The following RNF14 variants were observed in gnomAD, a reference collection of about 807,000 sequenced individuals.
RNF14 encodes the protein ring finger protein 14.
In RNF14, 26 loss-of-function variants were observed where a neutral mutation model predicts 52.6. The ratio of observed to expected loss-of-function variants is 0.49; its 90% CI spans 0.36 to 0.69. RNF14 has a LOEUF of 0.69. Ranked by LOEUF, RNF14 falls within the 30% of genes least tolerant of loss-of-function variation. The pLI is 0.00. For synonymous variants in RNF14, 194 were observed against 202.0 expected (o/e 0.96, Z 0.34); for missense variants, 404 against 560.4 (o/e 0.72, Z 2.82).
intron 1 of RNF14, among the ~76,000 whole-genome samples, chr5:141,960,539 G>A (rs774272151): frequency 2.6e-5 from 4 of 152,114 alleles, no homozygotes; most frequent in Non-Finnish European, 4.4e-5. Context: ...ATAAGCAGGG[G>A]TCCTCAGATG....
rs58804572 is a variant in RNF14 at position 141,971,636 on chromosome 5, C to CTT, written c.-7+780_-7+781dup. ...CCTTTCTTTCTTCTTTCTTTCTTTCCTTTTTTTTTTTTTTTTTTTTTTGGA... is the reference window on the plus strand; with the variant it reads ...CCTTTCTTTCTTCTTTCTTTCTTTCCTTTTTTTTTTTTTTTTTTTTTTTTGGA... On this transcript the variant is annotated intron_variant, in intron 2 of 8. Coordinates refer to ENST00000394520, the MANE Select transcript of RNF14 (RefSeq NM_004290.5). Among the ~76,000 whole-genome samples the CTT allele has an allele frequency of 1.1e-3, 125 of 117,154 alleles. 7 individuals carry two copies. The highest frequency in any genetic ancestry group is 3.2e-3 in the African/African-American group (84 of 26,062). The allele number at this position is 117,154 out of a possible 152,430, so 76.9% of individuals were successfully genotyped here. A position where few individuals can be genotyped will look rare whatever the true frequency, so the allele number is the denominator to read the frequency against.
chr5:141,987,840 G>A lies in RNF14; in HGVS notation c.*50G>A, dbSNP rs374848091. 33 of 1,536,752 alleles carry A rather than the reference G, an allele frequency of 2.1e-5. No homozygotes were observed. Among genetic ancestry groups the A allele is most frequent in the East Asian group, 6.7e-5 (3 of 44,526 alleles). On this transcript the variant is annotated 3_prime_UTR_variant, in exon 9 of 9. Transcript: ENST00000394520. ...GTGGATTGTTTTTCCCTAATCTTCCGTCAAGTACACAAAGTAACTTTGCGG... is the reference window on the plus strand; with the variant it reads ...GTGGATTGTTTTTCCCTAATCTTCCATCAAGTACACAAAGTAACTTTGCGG...
chr5:141,986,174 C>T (rs1755219986), intron 8 of RNF14, among the ~76,000 whole-genome samples: 1 of 152,166 alleles, frequency 6.6e-6, no homozygotes, highest in South Asian at 2.1e-4. Context: ...GGGGTGATTC[C>T]TTGGCACAAT....
At position 141,985,824 on chromosome 5, in the gene RNF14, A is replaced by T. The variant is rs550809093; in HGVS notation, c.1367+891A>T. 4.6e-5 allele frequency among the ~76,000 whole-genome samples: 7 copies of T among 152,328 alleles called. No individual in the cohort carries two copies. The South Asian group carries it at 1.5e-3, about 32-fold the overall frequency. On this transcript the variant is annotated intron_variant, in intron 8 of 8. Transcript: ENST00000394520. ...CGCCTCGGCCTCCCAAAGTGCTGGG[A>T]TTACAGGCGTGAGCCACCACACCCA...
intron 8 of RNF14, among the ~76,000 whole-genome samples, chr5:141,986,462 T>C (rs1755241390): frequency 6.6e-6 from 1 of 152,202 alleles, no homozygotes; most frequent in African/African-American, 2.4e-5. Flanking sequence ...GTAGTAGTAA[T>C]AATAGTGTCT....
At chr5:141,960,258 C>T (rs1376151850) in intron 1 of RNF14, among the ~76,000 whole-genome samples, 3 of 152,116 alleles carry the variant, frequency 2.0e-5, no homozygotes, top group Non-Finnish European at 2.9e-5. Flanking sequence ...GGCTGACAGT[C>T]GCAGGTGGGG....
rs3804256 is a variant in RNF14 at position 141,975,333 on chromosome 5, A to G, written c.306+378A>G. 7.9e-5 allele frequency among the ~76,000 whole-genome samples: 12 copies of G among 152,348 alleles called. No individual in the cohort carries two copies. In the East Asian group the frequency reaches 2.1e-3, roughly 27 times the overall value. ...TTCTTATCCATTCCTTAAATGAAAG[A>G]TTCCATTGTAATTAGGACTAAAAAT... On this transcript the variant is annotated intron_variant, in intron 4 of 8. Coordinates refer to ENST00000394520, the MANE Select transcript of RNF14 (RefSeq NM_004290.5).
chr5:141,980,482 C>CT, intron 6 of RNF14, 131 bp downstream of exon 6: 1 of 723,184 alleles, frequency 1.4e-6, no homozygotes, highest in South Asian at 1.8e-5. Flanking sequence ...GTGTCAGTGA[C>CT]TATCTCAGGC....
At position 141,974,889 on chromosome 5, in the gene RNF14, A is replaced by T. The variant is rs1386157568; in HGVS notation, c.240A>T (p.Pro80=). 3 of 1,614,176 alleles carry T rather than the reference A, an allele frequency of 1.9e-6. No individual in the cohort carries two copies. The East Asian group carries it at 6.7e-5, about 36-fold the overall frequency. The change falls in exon 4 of 9, where the codon CCA becomes CCT. Residue 80 remains proline (P), a synonymous_variant. Coordinates refer to ENST00000394520, the MANE Select transcript of RNF14 (RefSeq NM_004290.5). The part of the protein sequence containing the change: ...LPPLVLNFEL[P]PDYPSSSPPS... ...CACTTGTGCTGAACTTTGAACTGCC[A>T]CCAGATTATCCATCCTCTTCCCCAC...
At chr5:141,980,733 G>A (rs1374898139) in intron 6 of RNF14, among the ~76,000 whole-genome samples, 2 of 152,126 alleles carry the variant, frequency 1.3e-5, no homozygotes, top group East Asian at 3.8e-4. Flanking sequence ...ACTTGAAGGA[G>A]GTAAGAAAAA....
upstream of RNF14, chr5:141,956,385 C>A (rs749648175): frequency 1.7e-5 from 27 of 1,614,074 alleles, no homozygotes; most frequent in Admixed American, 4.5e-4. Context: ...CATTAATGCC[C>A]AAGTCTGCAT....
At chr5:141,951,779 T>G in the RNF14 span, among the ~76,000 whole-genome samples, 71 of 152,384 alleles carry the variant, frequency 4.7e-4, 1 homozygote, top group South Asian at 0.013. Context: ...TCCCCTGCTC[T>G]GTCATGTCAC....
At position 141,973,676 on chromosome 5, in the gene RNF14, T is replaced by G. The variant is rs748935663; in HGVS notation, c.88T>G (p.Ser30Ala). The change falls in exon 3 of 9, where the codon TCT becomes GCT. Residue 30 changes from serine (S) to alanine (A), a missense_variant. Ser to Ala is a moderately conservative substitution (Grantham distance 99). Coordinates refer to ENST00000394520, the MANE Select transcript of RNF14 (RefSeq NM_004290.5). ...YDGDEFRKAE[S>A]VQGGETRIYL... ...TGGAGATGAATTTAGAAAAGCAGAG[T>G]CTGTCCAAGGTGGAGAAACCAGGAT... is the stretch of plus-strand genomic sequence containing the variant. The G allele has an allele frequency of 6.2e-6, 10 of 1,613,724 alleles. No homozygotes were observed. The African/African-American group carries it at 1.3e-4, about 22-fold the overall frequency.
Position 141,990,035 on chromosome 5 carries a change from T to C in RNF14, c.*2245T>C, listed in dbSNP as rs908613010. 5.9e-5 allele frequency: 9 copies of C among 152,132 alleles called. No individual in the cohort carries two copies. The highest frequency in any genetic ancestry group is 9.7e-5 in the African/African-American group (4 of 41,430). The allele number at this position is 152,132 out of a possible 1,614,324, so 9.4% of individuals were successfully genotyped here. ...GTATTTGGTGTTTAGTCTCAAAAAT[T>C]TGTTTGGTCACCTTAGTGATTCTTA... On this transcript the variant is annotated 3_prime_UTR_variant, in exon 9 of 9. Coordinates refer to ENST00000394520, the MANE Select transcript of RNF14 (RefSeq NM_004290.5).
chr5:141,954,148 C>T (rs915980651), upstream of RNF14, among the ~76,000 whole-genome samples: 3 of 152,124 alleles, frequency 2.0e-5, no homozygotes, highest in Admixed American at 6.5e-5. Context: ...TGTTGAAGGA[C>T]GTGTACAAGG....
upstream of RNF14, among the ~76,000 whole-genome samples, chr5:141,963,851 A>G (rs545820223): frequency 2.0e-5 from 3 of 152,210 alleles, no homozygotes; most frequent in South Asian, 6.2e-4. Context: ...ATAAATTCTC[A>G]TGGGGCTTCC....
upstream of RNF14, chr5:141,957,901 G>C (rs780025761): frequency 1.9e-6 from 3 of 1,556,636 alleles, no homozygotes; most frequent in Non-Finnish European, 1.7e-6. The surrounding 1 kb of genome is among the most constrained non-coding windows in gnomAD (Gnocchi z 4.3). Flanking sequence ...TTCTTTCAAG[G>C]CTGGACAAGT....
intron 8 of RNF14, among the ~76,000 whole-genome samples, chr5:141,987,408 T>C (rs1399187268): frequency 3.3e-5 from 5 of 152,186 alleles, no homozygotes; most frequent in Non-Finnish European, 7.3e-5. Flanking sequence ...GTGGTGTGGC[T>C]AACCTGCCTC....
At chr5:141,952,403 G>A in the RNF14 span, 1 of 152,234 alleles carries the variant, frequency 6.6e-6, no homozygotes. Context: ...CACATGCCAG[G>A]CACCTCTGCT....
Sources: gnomAD v4.1 joint callset for allele counts (sites outside exome capture counted in the v4.1 genomes callset) on GRCh38, gnomAD v4.1.1 for gene constraint, Gnocchi (gnomAD v3.1) non-coding constraint, MANE v1.5 for transcripts, NCBI Gene and HGNC (gene_info 2026-07-23, HGNC 2026-07-21) for gene names.